The following TMEM266 variants were observed in gnomAD, a reference collection of about 807,000 sequenced individuals.
TMEM266 encodes the protein transmembrane protein 266, also known as Hv1 related protein 1.
A neutral mutation model predicts 50.5 loss-of-function variants in TMEM266; 33 were observed. That is an observed-to-expected ratio of 0.65 (90% CI 0.50 to 0.87). The LOEUF (loss-of-function observed/expected upper bound fraction) is 0.87, where lower values mean the gene tolerates loss of function less well. Ranked by LOEUF, TMEM266 falls within the 40% of genes least tolerant of loss-of-function variation. The probability of loss-of-function intolerance (pLI) is 0.00; values close to 1 mark genes in which losing one functional copy is unlikely to be tolerated. For synonymous variants in TMEM266, 310 were observed against 292.3 expected, an observed-to-expected ratio of 1.06 and a Z score of -0.62; for missense variants, 655 against 695.1, an observed-to-expected ratio of 0.94 and a Z score of 0.65.
intron 1 of TMEM266, among the ~76,000 whole-genome samples, chr15:76,081,355 T>C (rs1463365501): frequency 6.6e-6 from 1 of 152,214 alleles, no homozygotes; most frequent in Non-Finnish European, 1.5e-5. Flanking sequence ...AACTTCTGCA[T>C]CCTCAAACTG....
chr15:76,089,445 A>T (rs1010800677), intron 1 of TMEM266, among the ~76,000 whole-genome samples: 1 of 152,032 alleles, frequency 6.6e-6, no homozygotes, highest in Non-Finnish European at 1.5e-5. Context: ...TGCCCGCCTC[A>T]GCCTCCCAAA....
intron 3 of TMEM266, among the ~76,000 whole-genome samples, chr15:76,142,569 T>C (rs2955730): frequency 0.11 from 16,847 of 152,226 alleles, 2,633 homozygotes; most frequent in African/African-American, 0.35. Flanking sequence ...AGGGCTGTGA[T>C]ATCTCCTTGT....
chr15:76,106,452 T>C (rs145129377), intron 1 of TMEM266, among the ~76,000 whole-genome samples: 46 of 152,300 alleles, frequency 3.0e-4, no homozygotes, highest in African/African-American at 1.0e-3. Context: ...GTTTTGGTTT[T>C]TTTAGAGACA....
At position 76,204,146 on chromosome 15, in the gene TMEM266, C is replaced by A; in HGVS notation, c.1427C>A (p.Pro476His). The A allele has an allele frequency of 6.2e-7, 1 of 1,613,584 alleles. No individual in the cohort carries two copies. Among genetic ancestry groups the A allele is most frequent in the Non-Finnish European group, 8.5e-7 (1 of 1,179,992 alleles). ...CCAGCGGGCTCGGCCCAAACCAGCC[C>A]CGAGCTGGAACACAGGGTAAGTCTG... Residue 476 changes from proline (P) to histidine (H), a missense_variant, in exon 11 of 11, where the codon CCC (proline) becomes CAC (histidine). This residue lies in a region of TMEM266 where 455 missense variants were observed against 401.8 expected (regional missense o/e 1.13). Coordinates refer to ENST00000388942, the MANE Select transcript of TMEM266 (RefSeq NM_152335.3).
At position 76,150,594 on chromosome 15, in the gene TMEM266, G is replaced by T. The variant is rs555492999; in HGVS notation, c.228-6010G>T. On this transcript the variant is annotated intron_variant, in intron 3 of 10. Coordinates refer to ENST00000388942, the MANE Select transcript of TMEM266 (RefSeq NM_152335.3). ...GTCACTCCCCTCTCTGCCACCACGT[G>T]TCCTCCCAGCCACAGACAGCCTGGC... is the stretch of plus-strand genomic sequence containing the variant. Among the ~76,000 whole-genome samples the T allele has an allele frequency of 3.3e-3, 501 of 152,270 alleles. 4 individuals are homozygous for T. Among genetic ancestry groups the T allele is most frequent in the African/African-American group, 0.012 (485 of 41,538 alleles).
intron 1 of TMEM266, among the ~76,000 whole-genome samples, chr15:76,074,851 G>A (rs911699506): frequency 6.6e-6 from 1 of 152,028 alleles, no homozygotes; most frequent in East Asian, 1.9e-4. Flanking sequence ...TGTCAGTGTG[G>A]GACATGGGGT....
At position 76,194,410 on chromosome 15, in the gene TMEM266, TC is replaced by T. The variant is rs76107391; in HGVS notation, c.958+2255del. 5.1e-4 allele frequency among the ~76,000 whole-genome samples: 77 copies of T among 152,268 alleles called. No individual in the cohort carries two copies. In the East Asian group the frequency reaches 0.011, roughly 21 times the overall value. ...CCCTCCCCCACCATACCGTGATTGTTCCAAAATCTTTCATGCCACTCCCCGA... is the reference window on the plus strand; with the variant it reads ...CCCTCCCCCACCATACCGTGATTGTTCAAAATCTTTCATGCCACTCCCCGA... On this transcript the variant is annotated intron_variant, in intron 9 of 10. Transcript: ENST00000388942.
At chr15:76,092,862 C>T (rs1419715221) in intron 1 of TMEM266, among the ~76,000 whole-genome samples, 2 of 134,858 alleles carry the variant, frequency 1.5e-5, no homozygotes. Context: ...GGCTGGAGTG[C>T]AGTGGCACAC....
In TMEM266 at chr15:76,160,215, T is replaced by C; in HGVS notation, c.456+47T>C. On this transcript the variant is annotated intron_variant, in intron 5 of 10. Coordinates refer to ENST00000388942, the MANE Select transcript of TMEM266 (RefSeq NM_152335.3). The surrounding 1 kb of genome is among the most constrained non-coding windows in gnomAD (Gnocchi z 5.7). ...GTCACCTCCTCTGTTGGGTGACTCC[T>C]GTCCTGGGGAAACCAAGGTCTACTT... is the stretch of plus-strand genomic sequence containing the variant. 6.4e-7 allele frequency: 1 copy of C among 1,555,946 alleles called. No homozygotes were observed. Among genetic ancestry groups the C allele is most frequent in the Non-Finnish European group, 8.9e-7 (1 of 1,128,926 alleles).
At chr15:76,072,302 G>A (rs2036549496) in intron 1 of TMEM266, among the ~76,000 whole-genome samples, 1 of 152,146 alleles carries the variant, frequency 6.6e-6, no homozygotes, top group Admixed American at 6.5e-5. Flanking sequence ...GCAGGGTGTG[G>A]TGGTGCATGC....
At chr15:76,102,082 C>T (rs1355317767) in intron 1 of TMEM266, among the ~76,000 whole-genome samples, 1 of 152,150 alleles carries the variant, frequency 6.6e-6, no homozygotes, top group Non-Finnish European at 1.5e-5. Flanking sequence ...CTTCACTCAC[C>T]CATATCCAGG....
At chr15:76,123,944 C>T (rs2037380788) in intron 1 of TMEM266, among the ~76,000 whole-genome samples, 1 of 152,190 alleles carries the variant, frequency 6.6e-6, no homozygotes, top group African/African-American at 2.4e-5. Flanking sequence ...AACTCCTAAC[C>T]TCAGGTGATC....
At chr15:76,180,259 T>A (rs1037937748) in intron 8 of TMEM266, among the ~76,000 whole-genome samples, 6 of 152,194 alleles carry the variant, frequency 3.9e-5, no homozygotes, top group African/African-American at 1.4e-4. Flanking sequence ...TTATGTCCTC[T>A]GTTTGCTCCA....
intron 1 of TMEM266, among the ~76,000 whole-genome samples, chr15:76,081,730 G>A (rs1263446484): frequency 6.6e-6 from 1 of 152,194 alleles, no homozygotes. Context: ...GATGGCGAAT[G>A]TATGAGAAAG....
intron 1 of TMEM266, among the ~76,000 whole-genome samples, chr15:76,081,937 T>A (rs568273584): frequency 6.6e-6 from 1 of 152,306 alleles, no homozygotes; most frequent in South Asian, 2.1e-4. Flanking sequence ...TTCCCTGTTT[T>A]CCCACCCTTT....
intron 2 of TMEM266, among the ~76,000 whole-genome samples, chr15:76,137,263 G>T (rs1224957812): frequency 1.3e-5 from 2 of 152,138 alleles, no homozygotes; most frequent in Non-Finnish European, 2.9e-5. Flanking sequence ...TTTCTCTATT[G>T]TGGAATAGAG....
chr15:76,074,217 T>G (rs907325450), intron 1 of TMEM266, among the ~76,000 whole-genome samples: 4 of 152,170 alleles, frequency 2.6e-5, no homozygotes, highest in Non-Finnish European at 5.9e-5. Context: ...GACTGGTTAT[T>G]CATATGCACG....
Position 76,204,202 on chromosome 15 carries a change from G to A in TMEM266, c.1483G>A (p.Val495Ile). The change falls in exon 11 of 11, where the codon GTC (valine) becomes ATC (isoleucine). Residue 495 changes from valine to isoleucine, a missense_variant. Transcript: ENST00000388942. ...CCAGAAGAACCAGGAGGGCTTCACTGTCTTTCAGATCAGGCCTGTCATCCA... is the reference window on the plus strand; with the variant it reads ...CCAGAAGAACCAGGAGGGCTTCACTATCTTTCAGATCAGGCCTGTCATCCA... 6.2e-7 allele frequency: 1 copy of A among 1,613,968 alleles called. No homozygotes were observed. Among genetic ancestry groups the A allele is most frequent in the South Asian group, 1.1e-5 (1 of 91,086 alleles).
In TMEM266 at chr15:76,168,121, C is replaced by T. The variant is rs2038126273; in HGVS notation, c.457-1695C>T. On this transcript the variant is annotated intron_variant, in intron 5 of 10. Coordinates refer to ENST00000388942, the MANE Select transcript of TMEM266 (RefSeq NM_152335.3). This position sits in a 1 kb window ranked among gnomAD's most constrained non-coding sequence, Gnocchi z 4.4. ...GCCACACAACCAGCCCATTATTGAG[C>T]TCTGATCTCAAGACATTGTGGCCAC... Among the ~76,000 whole-genome samples the T allele has an allele frequency of 6.6e-6, 1 of 152,222 alleles. No individual in the cohort carries two copies. Among genetic ancestry groups the T allele is most frequent in the Non-Finnish European group, 1.5e-5 (1 of 68,048 alleles).
Sources: gnomAD v4.1 joint callset for allele counts (sites outside exome capture counted in the v4.1 genomes callset) on GRCh38, gnomAD v4.1.1 for gene constraint, gnomAD v4.1.1 regional missense constraint, Gnocchi (gnomAD v3.1) non-coding constraint, MANE v1.5 for transcripts, NCBI Gene and HGNC (gene_info 2026-07-23, HGNC 2026-07-21) for gene names.